DCDC1: variants seen among roughly 807,000 people sequenced by gnomAD.
DCDC1 encodes doublecortin domain-containing protein 1.
Under a neutral mutation model 178.3 loss-of-function variants are expected in DCDC1, and 200 were observed. The observed-to-expected ratio is 1.12, with a 90% CI of 1.00 to 1.26. DCDC1 has a LOEUF of 1.26. Ranked by LOEUF, DCDC1 falls within the 50% of genes most tolerant of loss-of-function variation. DCDC1 has a pLI of 0.00. For missense variants in DCDC1, 1,983 were observed against 1,749.2 expected (o/e 1.13, Z -2.38); for synonymous variants, 690 against 604.8 (o/e 1.14, Z -2.07).
At chr11:31,191,696 T>C (rs865913449) in intron 9 of DCDC1, among the ~76,000 whole-genome samples, 2 of 151,828 alleles carry the variant, frequency 1.3e-5, no homozygotes, top group African/African-American at 2.4e-5. Context: ...CCATGGAGGG[T>C]TGGGTTTCAA....
Position 30,899,541 on chromosome 11 carries a change from CT to C in DCDC1, c.4764del (p.Arg1590GlyfsTer3). The C allele has an allele frequency of 6.4e-7, 1 of 1,553,370 alleles. No individual in the cohort carries two copies. The highest frequency in any genetic ancestry group is 8.7e-7 in the Non-Finnish European group (1 of 1,150,176). On this transcript the variant is annotated frameshift_variant and splice_region_variant, in exon 34 of 39. Coordinates refer to ENST00000684477, the MANE Select transcript of DCDC1 (RefSeq NM_001387274.1). LOFTEE classifies it high-confidence loss of function. The part of the protein sequence containing the change: ...DTMRHKMRQL[K>X]GRRVAACQPA... ...TATGCTTGATATAGTTCATACTGAC[CT>C]TTTAACTGTCTCATTTTGTGTCTCA...
At chr11:31,168,095 T>C (rs1966854443) in intron 9 of DCDC1, among the ~76,000 whole-genome samples, 1 of 152,148 alleles carries the variant, frequency 6.6e-6, no homozygotes, top group Non-Finnish European at 1.5e-5. Context: ...AAGTCCCACC[T>C]CCTTTGTGAA....
chr11:30,910,035 C>T (rs1336762702), intron 28 of DCDC1, among the ~76,000 whole-genome samples: 2 of 152,094 alleles, frequency 1.3e-5, no homozygotes, highest in African/African-American at 4.8e-5. Flanking sequence ...ACAATAAAGC[C>T]TCCCTCAGAG....
intron 8 of DCDC1, among the ~76,000 whole-genome samples, chr11:31,252,768 G>A (rs1438271245): frequency 6.6e-6 from 1 of 151,990 alleles, no homozygotes; most frequent in East Asian, 1.9e-4. Context: ...TTAATTTCAG[G>A]ACCAATGATA....
chr11:31,005,873 C>A (rs545283674), intron 20 of DCDC1, among the ~76,000 whole-genome samples: 1 of 150,964 alleles, frequency 6.6e-6, no homozygotes, highest in East Asian at 1.9e-4. Context: ...TTGACTTTGA[C>A]CCATGGAAGC....
intron 27 of DCDC1, among the ~76,000 whole-genome samples, chr11:30,913,971 A>G (rs1945642831): frequency 6.6e-6 from 1 of 152,274 alleles, no homozygotes. Flanking sequence ...AATAATATAA[A>G]TTGCTAAATA....
chr11:31,206,627 C>T (rs1458536419), intron 9 of DCDC1, among the ~76,000 whole-genome samples: 1 of 152,104 alleles, frequency 6.6e-6, no homozygotes, highest in African/African-American at 2.4e-5. Context: ...GTTGGCCAGG[C>T]TGCACTTGAA....
intron 20 of DCDC1, among the ~76,000 whole-genome samples, chr11:31,003,066 G>A (rs1052158465): frequency 1.3e-5 from 2 of 150,154 alleles, no homozygotes; most frequent in African/African-American, 2.5e-5. Context: ...CACATAATTT[G>A]GATGGCCACA....
intron 11 of DCDC1, among the ~76,000 whole-genome samples, chr11:31,114,729 A>G (rs1959606202): frequency 6.6e-6 from 1 of 152,154 alleles, no homozygotes. Flanking sequence ...TCAGAGAGGT[A>G]AGGGGTAGAG....
At chr11:30,881,916 C>T (rs1158210265) in intron 36 of DCDC1, 2 of 153,750 alleles carry the variant, frequency 1.3e-5, no homozygotes. Context: ...GATACAGTGT[C>T]AATGGTACTA....
chr11:31,123,546 TAAA>T (rs1047880416), intron 11 of DCDC1, among the ~76,000 whole-genome samples: 1 of 144,002 alleles, frequency 6.9e-6, no homozygotes, highest in Non-Finnish European at 1.5e-5. Context: ...ATTGGTATCT[TAAA>T]AAAAAAAAAC....
chr11:30,894,188 A>G, intron 35 of DCDC1, 60 bp downstream of exon 35: 1 of 1,564,434 alleles, frequency 6.4e-7, no homozygotes. Flanking sequence ...TCAATATTGT[A>G]CTTTTAAATA....
At chr11:31,108,595 T>C (rs1458361275) in intron 12 of DCDC1, among the ~76,000 whole-genome samples, 2 of 152,188 alleles carry the variant, frequency 1.3e-5, no homozygotes, top group African/African-American at 4.8e-5. Context: ...AGGAAGGAAA[T>C]GTGTGTACAA....
At chr11:30,970,785 C>G (rs1949732308) in intron 20 of DCDC1, among the ~76,000 whole-genome samples, 1 of 152,242 alleles carries the variant, frequency 6.6e-6, no homozygotes, top group African/African-American at 2.4e-5. Context: ...ACCTTTTCAT[C>G]AGGGACCTGG....
chr11:31,098,055 C>T (rs1369067659), intron 15 of DCDC1, among the ~76,000 whole-genome samples: 1 of 152,120 alleles, frequency 6.6e-6, no homozygotes, highest in Non-Finnish European at 1.5e-5. Context: ...TAATGTCCTG[C>T]TGATGTCTGT....
intron 20 of DCDC1, among the ~76,000 whole-genome samples, chr11:31,023,463 A>G (rs1212504995): frequency 6.6e-6 from 1 of 152,050 alleles, no homozygotes; most frequent in Admixed American, 6.6e-5. Context: ...GAAGACACTT[A>G]GTAAGTGTAA....
At chr11:31,008,185 T>C (rs1951967308) in intron 20 of DCDC1, among the ~76,000 whole-genome samples, 1 of 152,118 alleles carries the variant, frequency 6.6e-6, no homozygotes, top group Non-Finnish European at 1.5e-5. Context: ...GGGGGGATTA[T>C]GTGGATTAGG....
chr11:31,353,366 T>C (rs938677922), intron 1 of DCDC1, among the ~76,000 whole-genome samples: 35 of 152,242 alleles, frequency 2.3e-4, no homozygotes, highest in African/African-American at 8.2e-4. Flanking sequence ...TGCTTTATCT[T>C]AAATATTCAA....
intron 8 of DCDC1, among the ~76,000 whole-genome samples, chr11:31,251,322 T>G (rs1170994460): frequency 6.6e-6 from 1 of 152,186 alleles, no homozygotes; most frequent in Non-Finnish European, 1.5e-5. Flanking sequence ...TATCCAGACA[T>G]TTGGCTGAAC....
Sources: allele counts gnomAD v4.1 joint callset (sites outside exome capture counted in the v4.1 genomes callset), GRCh38; gene constraint gnomAD v4.1.1; transcripts MANE v1.5; gene names NCBI Gene and HGNC (gene_info 2026-07-23, HGNC 2026-07-21).